KDM4C: variants seen among roughly 807,000 people sequenced by gnomAD.
The protein encoded by KDM4C is lysine-specific demethylase 4C.
KDM4C carries 81 observed loss-of-function variants against 129.3 expected under a neutral mutation model. That is an observed-to-expected ratio of 0.63 (90% CI 0.52 to 0.75). The LOEUF is 0.75. Ranked by LOEUF, KDM4C falls within the 30% of genes least tolerant of loss-of-function variation. The probability of loss-of-function intolerance (pLI) is 0.00; values close to 1 mark genes in which losing one functional copy is unlikely to be tolerated. For synonymous variants in KDM4C, 573 were observed against 456.1 expected (o/e 1.26, Z -3.26); for missense variants, 1,457 against 1,304.0 (o/e 1.12, Z -1.81).
chr9:6,878,920 A>G (rs1367512133), intron 5 of KDM4C, among the ~76,000 whole-genome samples: 1 of 152,202 alleles, frequency 6.6e-6, no homozygotes, highest in Admixed American at 6.5e-5. Context: ...ATAGTCATTT[A>G]GTTATGCTAA....
At chr9:6,764,134 T>G (rs1431675719) in intron 1 of KDM4C, among the ~76,000 whole-genome samples, 2 of 152,218 alleles carry the variant, frequency 1.3e-5, no homozygotes, top group African/African-American at 2.4e-5. Flanking sequence ...GCATCAAGCT[T>G]TTATTACATT....
intron 5 of KDM4C, among the ~76,000 whole-genome samples, chr9:6,874,711 ACTTCGTAGG>A (rs1212464340): frequency 1.3e-5 from 2 of 152,118 alleles, no homozygotes; most frequent in Non-Finnish European, 2.9e-5. Flanking sequence ...CAGCCTGTGG[ACTTCGTAGG>A]CAACATAGCT....
intron 17 of KDM4C, among the ~76,000 whole-genome samples, chr9:7,077,918 G>T (rs1173305621): frequency 2.0e-5 from 3 of 152,190 alleles, no homozygotes; most frequent in Non-Finnish European, 4.4e-5. Context: ...TTGGCCAGCA[G>T]ATATTTAGGC....
intron 11 of KDM4C, among the ~76,000 whole-genome samples, chr9:6,988,184 A>AG (rs1211057120): frequency 6.5e-5 from 9 of 137,556 alleles, no homozygotes; most frequent in East Asian, 2.1e-4. Context: ...AAAAAAAAAA[A>AG]GGAAAAAAAA....
chr9:7,116,414 G>GAGGTTTTGTGGACCACCTA (rs1554749457), intron 18 of KDM4C, among the ~76,000 whole-genome samples: 5 of 151,518 alleles, frequency 3.3e-5, no homozygotes, highest in African/African-American at 1.2e-4. Context: ...AACTTTAATT[G>GAGGTTTTGTGGACCACCTA]AGGTTATATG....
At chr9:6,810,057 G>A (rs1417082021) in intron 3 of KDM4C, among the ~76,000 whole-genome samples, 1 of 152,130 alleles carries the variant, frequency 6.6e-6, no homozygotes, top group Non-Finnish European at 1.5e-5. Context: ...ATCATTGTTA[G>A]TATTACTTGG....
intron 19 of KDM4C, among the ~76,000 whole-genome samples, chr9:7,145,057 C>A (rs1489967042): frequency 6.6e-6 from 1 of 152,132 alleles, no homozygotes; most frequent in Non-Finnish European, 1.5e-5. Flanking sequence ...AACCAGCCTC[C>A]CTCTGGGCCC....
chr9:7,159,791 A>G (rs1843583237), intron 19 of KDM4C, among the ~76,000 whole-genome samples: 1 of 152,068 alleles, frequency 6.6e-6, no homozygotes, highest in Admixed American at 6.5e-5. Flanking sequence ...ACCTTGGTGA[A>G]TCTGCCAATT....
At chr9:6,805,153 C>A (rs1829734958) in intron 2 of KDM4C, among the ~76,000 whole-genome samples, 1 of 152,188 alleles carries the variant, frequency 6.6e-6, no homozygotes, top group Non-Finnish European at 1.5e-5. Flanking sequence ...CCTGCCTCGG[C>A]CTCCCAAAGT....
chr9:7,031,243 A>G (rs1343291959), intron 15 of KDM4C, among the ~76,000 whole-genome samples: 1 of 151,642 alleles, frequency 6.6e-6, no homozygotes, highest in Non-Finnish European at 1.5e-5. Context: ...GTTCACTGCA[A>G]CCTCTGCCTC....
intron 4 of KDM4C, chr9:6,835,149 C>T (rs559367273): frequency 1.3e-5 from 13 of 975,290 alleles, no homozygotes; most frequent in Middle Eastern, 4.2e-4. Context: ...CGGCTTCCAG[C>T]TCCTCCCTGG....
At chr9:6,918,150 C>CT (rs369015686) in intron 8 of KDM4C, among the ~76,000 whole-genome samples, 2 of 152,144 alleles carry the variant, frequency 1.3e-5, no homozygotes, top group Non-Finnish European at 1.5e-5. Context: ...CAAAAGGTAG[C>CT]TTTTTTTAGC....
intron 17 of KDM4C, among the ~76,000 whole-genome samples, chr9:7,054,747 A>C (rs1412866450): frequency 6.6e-6 from 1 of 152,218 alleles, no homozygotes; most frequent in Non-Finnish European, 1.5e-5. Flanking sequence ...AAATTAATTA[A>C]AGATCTGTGG....
chr9:6,876,004 G>C (rs1190216620), intron 5 of KDM4C, among the ~76,000 whole-genome samples: 2 of 152,168 alleles, frequency 1.3e-5, no homozygotes, highest in African/African-American at 4.8e-5. Flanking sequence ...TAGAGAAAGA[G>C]AACATAGGGC....
chr9:6,899,701 G>C (rs1358390589), intron 8 of KDM4C, among the ~76,000 whole-genome samples: 1 of 152,116 alleles, frequency 6.6e-6, no homozygotes, highest in Non-Finnish European at 1.5e-5. Flanking sequence ...ATTGAGTTGT[G>C]GGATTCAGGA....
At position 7,169,788 on chromosome 9, in the gene KDM4C, C is replaced by G. The variant is rs1422662567; in HGVS notation, c.2902-10C>G. The G allele has an allele frequency of 1.3e-6, 2 of 1,592,802 alleles. No homozygotes were observed. Among genetic ancestry groups the G allele is most frequent in the East Asian group, 2.3e-5 (1 of 44,334 alleles). On this transcript the variant is annotated splice_polypyrimidine_tract_variant and intron_variant, in intron 20 of 21. Coordinates refer to ENST00000381309, the MANE Select transcript of KDM4C (RefSeq NM_015061.6). ...TTTAATATGTATCATGTTATATTAT[C>G]TTTCATTAGGTTGAGTTTGAAGATG...
At chr9:6,870,267 A>AG (rs1328432256) in intron 5 of KDM4C, among the ~76,000 whole-genome samples, 1 of 151,888 alleles carries the variant, frequency 6.6e-6, no homozygotes, top group Non-Finnish European at 1.5e-5. Flanking sequence ...GTTCATTGTA[A>AG]GGGGGGTTTT....
intron 7 of KDM4C, among the ~76,000 whole-genome samples, chr9:6,891,016 A>G (rs1159314462): frequency 6.6e-6 from 1 of 152,184 alleles, no homozygotes; most frequent in Non-Finnish European, 1.5e-5. Context: ...GTTACATTTC[A>G]GAATTGTTGG....
intron 8 of KDM4C, among the ~76,000 whole-genome samples, chr9:6,917,679 C>G (rs150955871): frequency 6.6e-6 from 1 of 152,308 alleles, no homozygotes; most frequent in African/African-American, 2.4e-5. Context: ...TCCCTCTCTC[C>G]TCCTGTCTCC....
Sources: allele counts gnomAD v4.1 joint callset (sites outside exome capture counted in the v4.1 genomes callset), GRCh38; gene constraint gnomAD v4.1.1; transcripts MANE v1.5; gene names NCBI Gene and HGNC (gene_info 2026-07-23, HGNC 2026-07-21).